DHX30: variants seen among roughly 807,000 people sequenced by gnomAD.
DHX30 encodes ATP-dependent RNA helicase DHX30.
In DHX30, 4 loss-of-function variants were observed where a neutral mutation model predicts 116.9. The observed-to-expected ratio is 0.03, with a 90% CI of 0.02 to 0.08. The LOEUF is 0.08. Among genes scored for constraint, DHX30 ranks in the 10% least tolerant of loss-of-function variants. The pLI is 1.00. For synonymous variants in DHX30, 697 were observed against 651.7 expected (o/e 1.07, Z -1.06); for missense variants, 871 against 1,595.1 (o/e 0.55, Z 7.73).
At chr3:47,837,208 G>A (rs1261207741) in intron 6 of DHX30, among the ~76,000 whole-genome samples, 2 of 152,202 alleles carry the variant, frequency 1.3e-5, no homozygotes, top group African/African-American at 4.8e-5. Context: ...GTGGCTATGG[G>A]GAATGAGAAT....
intron 6 of DHX30, among the ~76,000 whole-genome samples, chr3:47,837,327 G>A (rs1246537344): frequency 6.6e-6 from 1 of 152,198 alleles, no homozygotes; most frequent in Non-Finnish European, 1.5e-5. Flanking sequence ...TGGCTGCCAG[G>A]GCTTCTGACT....
Position 47,847,692 on chromosome 3 carries a change from A to G in DHX30, c.2111-89A>G. The G allele has an allele frequency of 6.6e-7, 1 of 1,516,524 alleles. No individual in the cohort carries two copies. Among genetic ancestry groups the G allele is most frequent in the East Asian group, 2.4e-5 (1 of 41,808 alleles). 93.9% of individuals were successfully genotyped at this position (1,516,524 alleles called of 1,614,324 possible). A position where few individuals can be genotyped will look rare whatever the true frequency, so the allele number is the denominator to read the frequency against. ...GTTTATCTGCGCCTGTTTCATCAAAATGGGGTCAAAATCCTTGCCCTGCCC... is the reference window on the plus strand; with the variant it reads ...GTTTATCTGCGCCTGTTTCATCAAAGTGGGGTCAAAATCCTTGCCCTGCCC... On this transcript the variant is annotated intron_variant, in intron 13 of 21. Transcript: ENST00000445061. This position sits in a 1 kb window ranked among gnomAD's most constrained non-coding sequence, Gnocchi z 5.5.
chr3:47,849,174 C>T lies in DHX30; in HGVS notation c.2930-18C>T. ...GTGGCTAGGGGCTGTAGGTCCACCA[C>T]ACATTCTGTCTCCCTAGGACTCATC... is the stretch of plus-strand genomic sequence containing the variant. On this transcript the variant is annotated intron_variant, in intron 18 of 21. Transcript: ENST00000445061. The T allele has an allele frequency of 6.2e-7, 1 of 1,613,682 alleles. No individual in the cohort carries two copies. Among genetic ancestry groups the T allele is most frequent in the South Asian group, 1.1e-5 (1 of 91,062 alleles).
At chr3:47,829,407 G>A (rs765287862) in intron 6 of DHX30, among the ~76,000 whole-genome samples, 9 of 144,216 alleles carry the variant, frequency 6.2e-5, no homozygotes, top group Non-Finnish European at 7.5e-5. Flanking sequence ...GCAGTGATGC[G>A]ATCTTGGCTC....
rs140467508 is a variant in DHX30, at chr3:47,847,812, G to A, written c.2142G>A (p.Lys714=). The change falls in exon 14 of 22, where the codon AAG becomes AAA. Residue 714 remains lysine (K), a synonymous_variant. Coordinates refer to ENST00000445061, the MANE Select transcript of DHX30 (RefSeq NM_138615.3). This position sits in a 1 kb window ranked among gnomAD's most constrained non-coding sequence, Gnocchi z 5.5. ...CCAACATCCCCATGATGGATCAGAA[G>A]GCCATATTCCAGCAGCCTCCAGTTG... ...VHSNIPMMDQ[K]AIFQQPPVGV... 1.4e-4 allele frequency: 226 copies of A among 1,614,140 alleles called. No homozygotes were observed. Among genetic ancestry groups the A allele is most frequent in the Non-Finnish European group, 1.1e-4 (135 of 1,179,998 alleles).
rs1318995315 is a variant in DHX30 at position 47,827,469 on chromosome 3, A to G, written c.247A>G (p.Lys83Glu). ...AGTCTACGTGCACACAAATGGACCGAAGAAAAAGGTAACTCTGCTGGTGGC... is the reference window on the plus strand; with the variant it reads ...AGTCTACGTGCACACAAATGGACCGGAGAAAAAGGTAACTCTGCTGGTGGC... The part of the protein sequence containing the change: ...KLVYVHTNGP[K>E]KKKVTLHIKW... Residue 83 changes from lysine (K) to glutamate (E), a missense_variant, in exon 5 of 22, where the codon AAG (lysine) becomes GAG (glutamate). Physicochemically the swap from Lys to Glu is moderately conservative, Grantham distance 56. This residue lies in a region of DHX30 where 66 missense variants were observed against 153.9 expected (regional missense o/e 0.43). Coordinates refer to ENST00000445061, the MANE Select transcript of DHX30 (RefSeq NM_138615.3). The G allele has an allele frequency of 6.2e-7, 1 of 1,610,962 alleles. No homozygotes were observed. The highest frequency in any genetic ancestry group is 1.7e-5 in the Admixed American group (1 of 59,282).
intron 5 of DHX30, among the ~76,000 whole-genome samples, chr3:47,828,732 CAAA>C (rs71625838): frequency 6.6e-6 from 1 of 150,682 alleles, no homozygotes; most frequent in African/African-American, 2.4e-5. Context: ...GACTCTGTCT[CAAA>C]AAAAAAGATG....
At chr3:47,816,356 CTT>C (rs200180200) in intron 3 of DHX30, 858 of 916,346 alleles carry the variant, frequency 9.4e-4, no homozygotes, top group South Asian at 1.6e-3. Flanking sequence ...GAGCCGTCTT[CTT>C]TTTTTTTTTT....
intron 6 of DHX30, among the ~76,000 whole-genome samples, chr3:47,832,355 G>A (rs193006287): frequency 6.6e-6 from 1 of 152,130 alleles, no homozygotes; most frequent in East Asian, 1.9e-4. Context: ...AAAACATCTT[G>A]ATTGATTGAT....
chr3:47,846,979 T>G lies in DHX30; in HGVS notation c.1907T>G (p.Leu636Arg). The G allele has an allele frequency of 6.2e-7, 1 of 1,612,326 alleles. No homozygotes were observed. The highest frequency in any genetic ancestry group is 8.5e-7 in the Non-Finnish European group (1 of 1,179,278). Residue 636 changes from leucine (L) to arginine (R), a missense_variant, in exon 11 of 22, where the codon CTG (leucine) becomes CGG (arginine). Transcript: ENST00000445061. ...GCCAAGTTGGGCAAGCACCAGTACC[T>G]GCACCGGCACCGGCACCATGAGGTG... Reference protein sequence around the residue: ...ILAKLGKHQYLHRHRHHESED... With the variant: ...ILAKLGKHQYRHRHRHHESED...
At chr3:47,806,018 G>C (rs2035497994) in intron 2 of DHX30, among the ~76,000 whole-genome samples, 1 of 152,048 alleles carries the variant, frequency 6.6e-6, no homozygotes, top group African/African-American at 2.4e-5. Flanking sequence ...TTTTGAGACA[G>C]TCTTGCCCTG....
intron 3 of DHX30, chr3:47,816,941 C>G: frequency 2.0e-6 from 2 of 984,682 alleles, no homozygotes; most frequent in Non-Finnish European, 2.4e-6. Flanking sequence ...GCTGAAAGGG[C>G]TTTTTCTTTC....
At chr3:47,811,145 G>A (rs1020462039) in intron 3 of DHX30, among the ~76,000 whole-genome samples, 1 of 151,618 alleles carries the variant, frequency 6.6e-6, no homozygotes, top group Non-Finnish European at 1.5e-5. Flanking sequence ...GTTGAGACGG[G>A]GTTTCACCAT....
intron 3 of DHX30, among the ~76,000 whole-genome samples, chr3:47,811,329 T>G (rs188051716): frequency 6.6e-6 from 1 of 152,282 alleles, no homozygotes; most frequent in African/African-American, 2.4e-5. Context: ...GTTGACCAAA[T>G]GCAATCTTTC....
chr3:47,805,029 G>C (rs547994027), intron 1 of DHX30, among the ~76,000 whole-genome samples: 11 of 152,206 alleles, frequency 7.2e-5, no homozygotes, highest in Non-Finnish European at 1.3e-4. Flanking sequence ...AGTAGGTTTT[G>C]CTCTGGGCTT....
intron 6 of DHX30, chr3:47,830,907 C>T (rs1477019212): frequency 6.6e-6 from 1 of 152,184 alleles, no homozygotes; most frequent in African/African-American, 2.4e-5. Flanking sequence ...GTTGCTAAGT[C>T]TTCATCTCTG....
At chr3:47,842,162 TAA>T (rs2107114405) in intron 8 of DHX30, 1 of 170,318 alleles carries the variant, frequency 5.9e-6, no homozygotes, top group South Asian at 1.5e-4. Context: ...TCATGTAAAA[TAA>T]GACTCTCTCT....
At chr3:47,825,005 T>C (rs2036479717) in intron 4 of DHX30, 1 of 600,138 alleles carries the variant, frequency 1.7e-6, no homozygotes, top group Admixed American at 3.0e-5. Context: ...GCCCGGTCCC[T>C]GCCGCGCACA....
At chr3:47,808,054 G>A (rs895902710) in intron 2 of DHX30, among the ~76,000 whole-genome samples, 1 of 151,992 alleles carries the variant, frequency 6.6e-6, no homozygotes, top group African/African-American at 2.4e-5. Context: ...GGGATTACAG[G>A]CATGCACCAC....
Sources: allele counts gnomAD v4.1 joint callset (sites outside exome capture counted in the v4.1 genomes callset), GRCh38; gene constraint gnomAD v4.1.1; regional missense constraint gnomAD v4.1.1; non-coding constraint Gnocchi (gnomAD v3.1); transcripts MANE v1.5; gene names NCBI Gene and HGNC (gene_info 2026-07-23, HGNC 2026-07-21).